SLC35F2: variants seen among roughly 807,000 people sequenced by gnomAD.
The protein encoded by SLC35F2 is solute carrier family 35 member F2, also known as queuine/queuosine transporter SLC35F2.
SLC35F2 carries 25 observed loss-of-function variants against 38.1 expected under a neutral mutation model. The observed-to-expected ratio is 0.66, with a 90% CI of 0.48 to 0.92. SLC35F2 has a LOEUF of 0.92. SLC35F2 is among the 40% of genes least tolerant of loss of function. The pLI is 0.00. For missense variants in SLC35F2, 409 were observed against 452.9 expected (o/e 0.90, Z 0.88); for synonymous variants, 173 against 181.7 (o/e 0.95, Z 0.38).
intron 1 of SLC35F2, among the ~76,000 whole-genome samples, chr11:107,826,464 G>A (rs1332986189): frequency 1.3e-5 from 2 of 152,092 alleles, no homozygotes; most frequent in South Asian, 2.1e-4. Context: ...GGCTGGTCTC[G>A]AACTCCTGAC....
intron 1 of SLC35F2, among the ~76,000 whole-genome samples, chr11:107,839,080 A>G (rs1859979128): frequency 6.6e-6 from 1 of 152,204 alleles, no homozygotes; most frequent in African/African-American, 2.4e-5. Context: ...TTCCCGTTCC[A>G]TACACTACTT....
intron 1 of SLC35F2, among the ~76,000 whole-genome samples, chr11:107,838,822 T>G (rs997423314): frequency 2.0e-5 from 3 of 150,780 alleles, no homozygotes; most frequent in African/African-American, 4.9e-5. Context: ...AGAGATGAGG[T>G]TTCGCCATAT....
intron 1 of SLC35F2, among the ~76,000 whole-genome samples, chr11:107,850,780 C>T (rs12418609): frequency 0.42 from 63,216 of 150,198 alleles, 13,373 homozygotes; most frequent in Admixed American, 0.53. Flanking sequence ...AAAATCATGC[C>T]ACTGCACTCC....
At chr11:107,809,650 C>A (rs916047915) in intron 3 of SLC35F2, 9 of 976,138 alleles carry the variant, frequency 9.2e-6, no homozygotes, top group Non-Finnish European at 8.5e-6. Flanking sequence ...AAAAAGTATT[C>A]TTGGTGATGG....
chr11:107,811,463 G>A (rs1342697174), intron 3 of SLC35F2, among the ~76,000 whole-genome samples: 1 of 152,184 alleles, frequency 6.6e-6, no homozygotes, highest in Non-Finnish European at 1.5e-5. Context: ...TAGCAGTTTG[G>A]GGGCAGCTTA....
Position 107,843,859 on chromosome 11 carries a change from AAAAAAAAAAATATATATATATAT to A in SLC35F2, c.110+14776_110+14798del, listed in dbSNP as rs1333133841. On this transcript the variant is annotated intron_variant, in intron 1 of 7. Coordinates refer to ENST00000525815, the MANE Select transcript of SLC35F2 (RefSeq NM_017515.5). ...GACTCTGTATCTTAAAAAAAAAAAA[AAAAAAAAAAATATATATATATAT>A]ATATATATATATATATATATATATA... Among the ~76,000 whole-genome samples, 24 of 38,798 alleles carry A rather than the reference AAAAAAAAAAATATATATATATAT, an allele frequency of 6.2e-4. 1 individual carries two copies. The East Asian group carries it at 0.011, about 17-fold the overall frequency. 25.5% of individuals were successfully genotyped at this position (38,798 alleles called of 152,430 possible).
chr11:107,804,868 AC>A (rs1859369046), intron 5 of SLC35F2, 98 bp from the exon 6 acceptor site: 3 of 1,190,910 alleles, frequency 2.5e-6, no homozygotes, highest in Non-Finnish European at 3.6e-6. Flanking sequence ...GTGAGGAATT[AC>A]ATGGACATTT....
intron 7 of SLC35F2, among the ~76,000 whole-genome samples, chr11:107,797,842 T>G (rs1352930290): frequency 6.6e-6 from 1 of 152,180 alleles, no homozygotes; most frequent in Non-Finnish European, 1.5e-5. Context: ...TACCACTGAT[T>G]TTCATTCTTG....
chr11:107,814,474 G>A (rs1009426801), intron 2 of SLC35F2, among the ~76,000 whole-genome samples: 1 of 147,856 alleles, frequency 6.8e-6, no homozygotes, highest in Non-Finnish European at 1.5e-5. Context: ...AAAAAAAAAA[G>A]AAGAAGCTGC....
In SLC35F2 at chr11:107,791,813, C is replaced by A. The variant is rs1859136715; in HGVS notation, c.*802G>T. On this transcript the variant is annotated 3_prime_UTR_variant, in exon 8 of 8. Coordinates refer to ENST00000525815, the MANE Select transcript of SLC35F2 (RefSeq NM_017515.5). ...ATCACTTGAGGTCGGGAGGTCAAGA[C>A]CAGCCTGGGCAACATGGTGAAACCC... 1 of 151,882 alleles carries A rather than the reference C, an allele frequency of 6.6e-6. No homozygotes were observed. 9.4% of individuals were successfully genotyped at this position (151,882 alleles called of 1,614,324 possible).
At chr11:107,805,231 T>G in intron 5 of SLC35F2, 128 bp downstream of exon 5, 1 of 1,382,326 alleles carries the variant, frequency 7.2e-7, no homozygotes, top group Non-Finnish European at 9.4e-7. Context: ...AAAACCACAA[T>G]TACTCTTGCA....
At chr11:107,805,732 CAG>C in intron 4 of SLC35F2, 2 of 914,882 alleles carry the variant, frequency 2.2e-6, no homozygotes, top group Non-Finnish European at 2.6e-6. Context: ...GGCTGGAGTG[CAG>C]TGGCGCAATC....
In SLC35F2 at chr11:107,805,473, G is replaced by T; in HGVS notation, c.617C>A (p.Ala206Asp). 1 of 1,614,008 alleles carries T rather than the reference G, an allele frequency of 6.2e-7. No homozygotes were observed. The highest frequency in any genetic ancestry group is 2.2e-5 in the East Asian group (1 of 44,866). ...AACATTTGAAATGGCATAGAGGGAAGCCCCAAGAAGGACCAAGATGTCACC... is the reference window on the plus strand; with the variant it reads ...AACATTTGAAATGGCATAGAGGGAATCCCCAAGAAGGACCAAGATGTCACC... ...LIGDILVLLG[A>D]SLYAISNVCE... Residue 206 changes from alanine to aspartate, a missense_variant, in exon 5 of 8, where the codon GCT becomes GAT. By Grantham distance (126) the Ala-to-Asp change is moderately radical. Coordinates refer to ENST00000525815, the MANE Select transcript of SLC35F2 (RefSeq NM_017515.5).
intron 3 of SLC35F2, chr11:107,810,520 G>A (rs1338546722): frequency 4.1e-6 from 4 of 984,984 alleles, no homozygotes; most frequent in Admixed American, 1.2e-4. Flanking sequence ...ATTAACCAAC[G>A]CTAAAAGTAC....
chr11:107,810,862 G>GT, intron 3 of SLC35F2: 1 of 981,526 alleles, frequency 1.0e-6, no homozygotes, highest in Non-Finnish European at 1.2e-6. Flanking sequence ...TTGGAGTCAA[G>GT]TAAGAACATC....
At chr11:107,807,701 G>A (rs1591188857) in intron 3 of SLC35F2, among the ~76,000 whole-genome samples, 1 of 151,948 alleles carries the variant, frequency 6.6e-6, no homozygotes. Flanking sequence ...AGCCTCCCAA[G>A]GAGCTGGGAT....
At chr11:107,818,062 A>G (rs1859604826) in intron 1 of SLC35F2, among the ~76,000 whole-genome samples, 1 of 125,756 alleles carries the variant, frequency 8.0e-6, no homozygotes, top group Admixed American at 7.9e-5. Flanking sequence ...GTCTCAAAAA[A>G]AAAAAAAAAA....
chr11:107,806,332 C>G (rs1190847104), intron 4 of SLC35F2, among the ~76,000 whole-genome samples: 2 of 152,188 alleles, frequency 1.3e-5, no homozygotes, highest in Non-Finnish European at 2.9e-5. Flanking sequence ...AGACACTTAA[C>G]TCACTTGTAG....
At position 107,838,660 on chromosome 11, in the gene SLC35F2, G is replaced by T. The variant is rs1859967524; in HGVS notation, c.110+19998C>A. Reference sequence around the variant, plus strand: ...TTTTTTTTTTTTTTGAGACAGTCTTGCTCTGTCCCCCAGGCTGGAGTGCAG... The same window carrying T: ...TTTTTTTTTTTTTTGAGACAGTCTTTCTCTGTCCCCCAGGCTGGAGTGCAG... On this transcript the variant is annotated intron_variant, in intron 1 of 7. Transcript: ENST00000525815. Among the ~76,000 whole-genome samples the T allele has an allele frequency of 3.9e-5, 4 of 103,336 alleles. No individual in the cohort carries two copies. The Admixed American group carries it at 4.8e-4, about 12-fold the overall frequency. The allele number at this position is 103,336 out of a possible 152,430, so 67.8% of individuals were successfully genotyped here.
Sources: allele counts gnomAD v4.1 joint callset (sites outside exome capture counted in the v4.1 genomes callset), GRCh38; gene constraint gnomAD v4.1.1; transcripts MANE v1.5; gene names NCBI Gene and HGNC (gene_info 2026-07-23, HGNC 2026-07-21).